The following CTNNA2 variants were observed in gnomAD, a reference collection of about 807,000 sequenced individuals.
CTNNA2 encodes catenin alpha 2.
Under a neutral mutation model 101.0 loss-of-function variants are expected in CTNNA2, and 42 were observed. The observed-to-expected ratio is 0.42, with a 90% CI of 0.32 to 0.54. The LOEUF (loss-of-function observed/expected upper bound fraction) is 0.54. Ranked by LOEUF, CTNNA2 falls within the 20% of genes least tolerant of loss-of-function variation. The pLI is 0.14. For synonymous variants in CTNNA2, 450 were observed against 456.4 expected, an observed-to-expected ratio of 0.99 and a Z score of 0.18; for missense variants, 871 against 1,223.1, an observed-to-expected ratio of 0.71 and a Z score of 4.29.
intron 2 of CTNNA2, among the ~76,000 whole-genome samples, chr2:79,210,097 T>TGTGTGTGTGTGTGTGTGTGTGTGTGA: frequency 6.6e-6 from 1 of 151,616 alleles, no homozygotes; most frequent in Middle Eastern, 3.4e-3. Context: ...ATTGTGTGTG[T>TGTGTGTGTGTGTGTGTGTGTGTGTGA]GTGTGTGTGT....
chr2:79,972,017 A>G (rs1226394495), intron 7 of CTNNA2, among the ~76,000 whole-genome samples: 2 of 152,186 alleles, frequency 1.3e-5, no homozygotes, highest in African/African-American at 4.8e-5. Context: ...AAGGCTTCTT[A>G]TGGCTTGGGC....
At chr2:79,985,054 T>A (rs1691664611) in intron 7 of CTNNA2, among the ~76,000 whole-genome samples, 1 of 152,190 alleles carries the variant, frequency 6.6e-6, no homozygotes, top group Non-Finnish European at 1.5e-5. Flanking sequence ...AATGTTTACC[T>A]TCTGGCTCTT....
At chr2:80,308,168 G>C (rs1004283094) in intron 7 of CTNNA2, among the ~76,000 whole-genome samples, 2 of 151,532 alleles carry the variant, frequency 1.3e-5, no homozygotes, top group Non-Finnish European at 2.9e-5. Flanking sequence ...TTTTTTTTTG[G>C]TATGTCATTA....
intron 7 of CTNNA2, among the ~76,000 whole-genome samples, chr2:80,271,913 A>T (rs1309313787): frequency 6.6e-6 from 1 of 152,226 alleles, no homozygotes; most frequent in African/African-American, 2.4e-5. Context: ...CCATTGTTTC[A>T]TATCAGACTG....
intron 7 of CTNNA2, among the ~76,000 whole-genome samples, chr2:80,235,087 T>C (rs546231410): frequency 6.6e-6 from 1 of 152,226 alleles, no homozygotes; most frequent in Non-Finnish European, 1.5e-5. Context: ...AAATTTAGAA[T>C]GAACTAGTAT....
At chr2:79,193,879 G>C (rs1350437372) in intron 1 of CTNNA2, among the ~76,000 whole-genome samples, 6 of 152,166 alleles carry the variant, frequency 3.9e-5, no homozygotes, top group Non-Finnish European at 7.3e-5. Context: ...ACTTCACAGG[G>C]TAGTTTTGAG....
chr2:80,619,022 C>CA (rs1699082170), intron 17 of CTNNA2, 63 bp from the exon 18 acceptor site: 1 of 888,902 alleles, frequency 1.1e-6, no homozygotes, highest in East Asian at 3.5e-5. Context: ...AAGTAGGGTA[C>CA]TTTTTTTTTT....
chr2:79,774,689 T>A (rs2105164114), intron 3 of CTNNA2, among the ~76,000 whole-genome samples: 1 of 152,296 alleles, frequency 6.6e-6, no homozygotes, highest in Non-Finnish European at 1.5e-5. Flanking sequence ...TGTATTTCAT[T>A]TGTGAATATC....
chr2:80,406,492 T>A (rs184095425), intron 8 of CTNNA2, among the ~76,000 whole-genome samples: 1 of 152,018 alleles, frequency 6.6e-6, no homozygotes, highest in Admixed American at 6.5e-5. Flanking sequence ...CTTAGATCAA[T>A]GTGGCCCTGA....
chr2:80,280,703 G>T (rs762717109), intron 7 of CTNNA2, among the ~76,000 whole-genome samples: 35 of 152,024 alleles, frequency 2.3e-4, no homozygotes, highest in Non-Finnish European at 4.9e-4. Flanking sequence ...AATAAACAAC[G>T]CATAAGTTTT....
At chr2:80,631,967 GA>G (rs749301258) in intron 18 of CTNNA2, among the ~76,000 whole-genome samples, 3 of 151,572 alleles carry the variant, frequency 2.0e-5, no homozygotes, top group East Asian at 3.9e-4. Flanking sequence ...TTTGAATCTG[GA>G]AAAAAAATAA....
intron 1 of CTNNA2, among the ~76,000 whole-genome samples, chr2:79,639,200 A>C (rs754237538): frequency 1.2e-4 from 18 of 152,164 alleles, no homozygotes; most frequent in Non-Finnish European, 2.4e-4. Flanking sequence ...CTCTTGGTGA[A>C]TGGTTCCTGC....
intron 1 of CTNNA2, among the ~76,000 whole-genome samples, chr2:79,525,067 G>T (rs1239906501): frequency 6.6e-6 from 1 of 151,814 alleles, no homozygotes; most frequent in Non-Finnish European, 1.5e-5. Context: ...TGACTTTATT[G>T]TTTGGATATC....
At chr2:80,540,257 T>G (rs1691434150) in intron 9 of CTNNA2, among the ~76,000 whole-genome samples, 1 of 152,178 alleles carries the variant, frequency 6.6e-6, no homozygotes, top group Non-Finnish European at 1.5e-5. Context: ...CCACAGTTTC[T>G]GATGTTGTAA....
chr2:80,271,427 T>TA (rs1211591520), intron 7 of CTNNA2, among the ~76,000 whole-genome samples: 1 of 151,732 alleles, frequency 6.6e-6, no homozygotes, highest in East Asian at 1.9e-4. Flanking sequence ...CAGTCTTTTT[T>TA]TTTTTTTTTT....
At chr2:79,548,169 G>T (rs1050230551) in intron 1 of CTNNA2, 4 of 152,158 alleles carry the variant, frequency 2.6e-5, no homozygotes, top group Admixed American at 2.0e-4. Context: ...TTTGCCTGAT[G>T]ACCACTAAAC....
chr2:80,552,969 C>A (rs932188175), intron 11 of CTNNA2, among the ~76,000 whole-genome samples: 2 of 151,348 alleles, frequency 1.3e-5, no homozygotes, highest in African/African-American at 2.4e-5. Context: ...GTAATCCCAG[C>A]ACTTTGGGAG....
chr2:80,581,426 C>A (rs527971504), intron 13 of CTNNA2, among the ~76,000 whole-genome samples: 8 of 152,224 alleles, frequency 5.3e-5, no homozygotes, highest in Non-Finnish European at 1.0e-4. Context: ...AAATAATACA[C>A]AGATATCATT....
intron 4 of CTNNA2, among the ~76,000 whole-genome samples, chr2:79,430,529 C>A (rs1678648503): frequency 6.6e-6 from 1 of 152,138 alleles, no homozygotes; most frequent in Non-Finnish European, 1.5e-5. Flanking sequence ...CCAACCAGAG[C>A]AACCAACATT....
Sources: allele counts gnomAD v4.1 joint callset (sites outside exome capture counted in the v4.1 genomes callset), GRCh38; gene constraint gnomAD v4.1.1; transcripts MANE v1.5; gene names NCBI Gene and HGNC (gene_info 2026-07-23, HGNC 2026-07-21).